The following SCFD2 variants were observed in gnomAD, a reference collection of about 807,000 sequenced individuals.
SCFD2 encodes the protein sec1 family domain containing 2, also known as sec1 family domain-containing protein 2.
Under a neutral mutation model 58.9 loss-of-function variants are expected in SCFD2, and 54 were observed. The ratio of observed to expected loss-of-function variants is 0.92; its 90% CI spans 0.74 to 1.15. SCFD2 has a LOEUF of 1.15. SCFD2 is among the 50% of genes most tolerant of loss of function. The pLI is 0.00. For synonymous variants in SCFD2, 321 were observed against 335.9 expected (o/e 0.96, Z 0.49); for missense variants, 805 against 836.6 (o/e 0.96, Z 0.47).
chr4:53,358,065 G>A (rs1261973429), intron 1 of SCFD2, among the ~76,000 whole-genome samples: 1 of 152,166 alleles, frequency 6.6e-6, no homozygotes, highest in Non-Finnish European at 1.5e-5. Context: ...TATGCAGAGT[G>A]CTGAGATAAA....
chr4:53,115,517 TAAG>T (rs995380100), intron 5 of SCFD2, among the ~76,000 whole-genome samples: 4 of 152,120 alleles, frequency 2.6e-5, no homozygotes, highest in African/African-American at 9.7e-5. Context: ...TCAATTGCTG[TAAG>T]AATCCAAAGA....
intron 4 of SCFD2, among the ~76,000 whole-genome samples, chr4:53,171,434 G>T (rs1449373678): frequency 6.6e-6 from 1 of 152,166 alleles, no homozygotes; most frequent in Admixed American, 6.5e-5. Flanking sequence ...ATTTTGTTAA[G>T]AATGATTGTG....
At chr4:52,910,590 T>C (rs1426619782) in intron 6 of SCFD2, among the ~76,000 whole-genome samples, 1 of 152,242 alleles carries the variant, frequency 6.6e-6, no homozygotes, top group African/African-American at 2.4e-5. Flanking sequence ...TATTAGTCTA[T>C]TAAAACTCAT....
chr4:53,066,557 C>T (rs1405390098), intron 5 of SCFD2, among the ~76,000 whole-genome samples: 4 of 152,100 alleles, frequency 2.6e-5, no homozygotes, highest in African/African-American at 7.2e-5. Flanking sequence ...TCCAGCAGAA[C>T]ATTCACTTGC....
rs191076909 is a variant in SCFD2 at position 53,047,910 on chromosome 4, G to A, written c.1561+97423C>T. Among the ~76,000 whole-genome samples, 263 of 152,148 alleles carry A rather than the reference G, an allele frequency of 1.7e-3. 1 individual carries two copies. Among genetic ancestry groups the A allele is most frequent in the African/African-American group, 6.0e-3 (249 of 41,498 alleles). On this transcript the variant is annotated intron_variant, in intron 5 of 8. Coordinates refer to ENST00000401642, the MANE Select transcript of SCFD2 (RefSeq NM_152540.4). ...TCTTCTGAAAATGTGACAGCTCTTC[G>A]ACCTGACAGCCCTTCTGCCCTGACT...
At chr4:53,106,958 G>A (rs1725021311) in intron 5 of SCFD2, among the ~76,000 whole-genome samples, 1 of 152,172 alleles carries the variant, frequency 6.6e-6, no homozygotes, top group Non-Finnish European at 1.5e-5. Context: ...AGGAAAAAAT[G>A]TTATGGGCAG....
intron 5 of SCFD2, among the ~76,000 whole-genome samples, chr4:53,087,971 C>G (rs1724361855): frequency 6.6e-6 from 1 of 152,048 alleles, no homozygotes; most frequent in Admixed American, 6.6e-5. Flanking sequence ...AAAACTATTT[C>G]TAAGAGAAGT....
intron 5 of SCFD2, chr4:52,956,176 A>G (rs1283037880): frequency 2.2e-6 from 1 of 456,716 alleles, no homozygotes; most frequent in East Asian, 6.9e-5. Context: ...GCTGGAGCTC[A>G]CAGAATGGTC....
chr4:53,315,709 T>A (rs1560443521), intron 2 of SCFD2, among the ~76,000 whole-genome samples: 1 of 152,168 alleles, frequency 6.6e-6, no homozygotes. Context: ...GCTTCATAAT[T>A]GTTCTCTAGT....
At chr4:53,228,902 G>A (rs189555768) in intron 4 of SCFD2, among the ~76,000 whole-genome samples, 59 of 152,336 alleles carry the variant, frequency 3.9e-4, no homozygotes, top group Middle Eastern at 6.8e-3. Flanking sequence ...TTCTTCAGCT[G>A]ATAGGCAACT....
At chr4:53,333,330 C>T (rs1283948276) in intron 2 of SCFD2, among the ~76,000 whole-genome samples, 29 of 145,420 alleles carry the variant, frequency 2.0e-4, no homozygotes, top group Non-Finnish European at 2.9e-4. Context: ...GGAGGCATCA[C>T]GCTACCTGAC....
intron 2 of SCFD2, among the ~76,000 whole-genome samples, chr4:53,343,692 C>T (rs1733962394): frequency 6.6e-6 from 1 of 152,136 alleles, no homozygotes; most frequent in South Asian, 2.1e-4. Flanking sequence ...AACATCGATG[C>T]AAAAATCCCC....
rs540271372 is a variant in SCFD2 at position 52,935,560 on chromosome 4, A to G, written c.1562-14690T>C. On this transcript the variant is annotated intron_variant, in intron 5 of 8. Transcript: ENST00000401642. ...TGATTGTTCTACATATACCTTCTGA[A>G]CCAGCCCTCCCCTACGGTATGTAAA... 2.6e-5 allele frequency among the ~76,000 whole-genome samples: 4 copies of G among 152,278 alleles called. No homozygotes were observed. In the South Asian group the frequency reaches 8.3e-4, roughly 32 times the overall value.
At chr4:52,917,429 C>G (rs544191080) in intron 6 of SCFD2, among the ~76,000 whole-genome samples, 5 of 152,090 alleles carry the variant, frequency 3.3e-5, no homozygotes, top group Non-Finnish European at 7.4e-5. Context: ...TTCTCTCTCA[C>G]TAAGAATTAA....
At chr4:53,109,165 A>G (rs962152479) in intron 5 of SCFD2, among the ~76,000 whole-genome samples, 3 of 152,254 alleles carry the variant, frequency 2.0e-5, no homozygotes, top group African/African-American at 7.2e-5. Flanking sequence ...AAAATTCAAC[A>G]CCCCTTCATG....
At chr4:53,323,272 T>C (rs918431727) in intron 2 of SCFD2, among the ~76,000 whole-genome samples, 11 of 152,230 alleles carry the variant, frequency 7.2e-5, no homozygotes, top group African/African-American at 2.2e-4. Flanking sequence ...CTCCCACAGA[T>C]TTTGTTAAGA....
At chr4:53,343,953 T>A (rs1733971304) in intron 2 of SCFD2, among the ~76,000 whole-genome samples, 1 of 151,778 alleles carries the variant, frequency 6.6e-6, no homozygotes, top group Non-Finnish European at 1.5e-5. Context: ...GGGACGTATC[T>A]CAAAAAGAGC....
At position 53,141,804 on chromosome 4, in the gene SCFD2, C is replaced by T. The variant is rs1726174072; in HGVS notation, c.1561+3529G>A. Among the ~76,000 whole-genome samples, 3 of 152,246 alleles carry T rather than the reference C, an allele frequency of 2.0e-5. No individual in the cohort carries two copies. In the South Asian group the frequency reaches 6.2e-4, roughly 32 times the overall value. On this transcript the variant is annotated intron_variant, in intron 5 of 8. Transcript: ENST00000401642. ...TTCTGGAGTCTAAAGTCCAGCAAGC[C>T]TGGAGTTCTGATGTCTAAGGCAGCA...
intron 4 of SCFD2, among the ~76,000 whole-genome samples, chr4:53,227,637 A>T (rs991669320): frequency 3.3e-5 from 5 of 152,114 alleles, no homozygotes; most frequent in African/African-American, 4.8e-5. Context: ...GGAAGTCTAA[A>T]CCCTTTATTC....
Sources: gnomAD v4.1 joint callset for allele counts (sites outside exome capture counted in the v4.1 genomes callset) on GRCh38, gnomAD v4.1.1 for gene constraint, MANE v1.5 for transcripts, NCBI Gene and HGNC (gene_info 2026-07-23, HGNC 2026-07-21) for gene names.